The following NCAM1 variants were observed in gnomAD, a reference collection of about 807,000 sequenced individuals.
The protein encoded by NCAM1 is neural cell adhesion molecule 1.
In NCAM1, 14 loss-of-function variants were observed where a neutral mutation model predicts 109.8. The observed-to-expected ratio is 0.13, with a 90% CI of 0.08 to 0.20. NCAM1 has a LOEUF of 0.20. Ranked by LOEUF, NCAM1 falls within the 10% of genes least tolerant of loss-of-function variation. NCAM1 has a pLI of 1.00. For synonymous variants in NCAM1, 418 were observed against 442.9 expected (o/e 0.94, Z 0.70); for missense variants, 774 against 1,109.9 (o/e 0.70, Z 4.30).
chr11:113,244,654 CGTGTGTGT>C (rs55798470), intron 14 of NCAM1, among the ~76,000 whole-genome samples: 10,965 of 149,758 alleles, frequency 0.073, 514 homozygotes, highest in African/African-American at 0.14. Context: ...TGTGTGTGTG[CGTGTGTGT>C]GTGTGTGTGT....
chr11:113,186,396 A>G (rs1183523667), intron 1 of NCAM1, among the ~76,000 whole-genome samples: 1 of 152,254 alleles, frequency 6.6e-6, no homozygotes, highest in Non-Finnish European at 1.5e-5. Flanking sequence ...CTGCCGGTCC[A>G]TGGAAAAATT....
At chr11:113,050,850 TTAAA>T (rs1555081704) in intron 1 of NCAM1, among the ~76,000 whole-genome samples, 1 of 152,226 alleles carries the variant, frequency 6.6e-6, no homozygotes, top group African/African-American at 2.4e-5. Context: ...AATCATACAG[TTAAA>T]TATTCTTGTG....
At chr11:113,239,740 G>A (rs1228492505) in intron 14 of NCAM1, among the ~76,000 whole-genome samples, 3 of 152,128 alleles carry the variant, frequency 2.0e-5, no homozygotes, top group African/African-American at 7.2e-5. Context: ...GAGAGGGAAG[G>A]AGACCTGAAT....
At chr11:113,263,121 C>G (rs1555123721) in intron 17 of NCAM1, 1 of 1,273,114 alleles carries the variant, frequency 7.9e-7, no homozygotes, top group African/African-American at 1.5e-5. Context: ...TTTTGTGCCA[C>G]TTCATAAGGA....
At chr11:113,257,387 C>T (rs1370456498) in intron 16 of NCAM1, among the ~76,000 whole-genome samples, 1 of 152,238 alleles carries the variant, frequency 6.6e-6, no homozygotes, top group Non-Finnish European at 1.5e-5. Context: ...TTCAATTTCT[C>T]CATCTGTAAA....
At chr11:113,225,226 A>T (rs946718764) in intron 9 of NCAM1, among the ~76,000 whole-genome samples, 13 of 152,226 alleles carry the variant, frequency 8.5e-5, no homozygotes, top group African/African-American at 2.9e-4. Flanking sequence ...ACTAATACAC[A>T]GAAGTCCTTA....
chr11:112,982,718 C>T (rs1254029331), intron 1 of NCAM1, among the ~76,000 whole-genome samples: 2 of 151,620 alleles, frequency 1.3e-5, no homozygotes, highest in Non-Finnish European at 2.9e-5. Context: ...TCAGGTGAGG[C>T]GCATGGTAAG....
intron 1 of NCAM1, among the ~76,000 whole-genome samples, chr11:113,142,192 A>C (rs1941854649): frequency 6.6e-6 from 1 of 152,146 alleles, no homozygotes; most frequent in African/African-American, 2.4e-5. Context: ...GGAGCCTATG[A>C]GATGGGAATT....
chr11:113,026,737 G>A (rs940597332), intron 1 of NCAM1, among the ~76,000 whole-genome samples: 1 of 152,170 alleles, frequency 6.6e-6, no homozygotes, highest in African/African-American at 2.4e-5. Flanking sequence ...CTTTAAGATC[G>A]TAGTAGTAAC....
intron 1 of NCAM1, among the ~76,000 whole-genome samples, chr11:113,145,525 T>C (rs1285998034): frequency 4.6e-5 from 7 of 152,208 alleles, no homozygotes; most frequent in Non-Finnish European, 1.0e-4. Flanking sequence ...AACTCCAACA[T>C]TGTGAATAGT....
Position 113,104,204 on chromosome 11 carries a change from GGGT to G in NCAM1, c.53-98172_53-98170del, listed in dbSNP as rs1194388649. Reference sequence around the variant, plus strand: ...TTGGAGAACAGGTGAAGAGGAGGTGGGGTGGGGGGGGGGGCGGGGTGGTGGTGG... The same window carrying G: ...TTGGAGAACAGGTGAAGAGGAGGTGGGGGGGGGGGGGCGGGGTGGTGGTGG... On this transcript the variant is annotated intron_variant, in intron 1 of 19. Transcript: ENST00000316851. 8.6e-3 allele frequency among the ~76,000 whole-genome samples: 998 copies of G among 115,524 alleles called. 25 individuals carry two copies. The highest frequency in any genetic ancestry group is 0.05 in the East Asian group (142 of 2,824). 75.8% of individuals were successfully genotyped at this position (115,524 alleles called of 152,430 possible).
At chr11:113,079,291 G>A (rs1938678536) in intron 1 of NCAM1, among the ~76,000 whole-genome samples, 1 of 152,232 alleles carries the variant, frequency 6.6e-6, no homozygotes, top group Admixed American at 6.5e-5. Context: ...GGAGGCAACA[G>A]AGAGTAAGGG....
chr11:113,185,079 T>TAGAGAGAG (rs782462491), intron 1 of NCAM1, among the ~76,000 whole-genome samples: 4 of 125,738 alleles, frequency 3.2e-5, no homozygotes, highest in African/African-American at 3.2e-5. Context: ...TATATATATA[T>TAGAGAGAG]AGAGAGAGAG....
chr11:113,211,184 C>T (rs782587078), intron 7 of NCAM1, among the ~76,000 whole-genome samples: 3 of 152,190 alleles, frequency 2.0e-5, no homozygotes, highest in African/African-American at 4.8e-5. Context: ...CTTTTATTTC[C>T]TTTCCAGCCC....
chr11:113,136,053 T>A (rs1327106876), intron 1 of NCAM1, among the ~76,000 whole-genome samples: 2 of 152,096 alleles, frequency 1.3e-5, no homozygotes, highest in East Asian at 1.9e-4. Flanking sequence ...CGTGGTGACA[T>A]GTGCCTGCAG....
At position 113,152,398 on chromosome 11, in the gene NCAM1, C is replaced by A. The variant is rs782577361; in HGVS notation, c.53-49981C>A. Among the ~76,000 whole-genome samples, 162 of 152,358 alleles carry A rather than the reference C, an allele frequency of 1.1e-3. No individual in the cohort carries two copies. The Middle Eastern group carries it at 0.017, about 16-fold the overall frequency. On this transcript the variant is annotated intron_variant, in intron 1 of 19. Transcript: ENST00000316851. The stretch of plus-strand genomic sequence containing the variant: ...ACTACAACTGCCACAATCCCCTTGG[C>A]AACTTCTCTTTTCCAAGCCAATATA...
intron 1 of NCAM1, among the ~76,000 whole-genome samples, chr11:113,118,747 GA>G (rs35407203): frequency 3.3e-5 from 5 of 151,262 alleles, no homozygotes. Flanking sequence ...AATCTATACA[GA>G]AAAAAATTCA....
intron 8 of NCAM1, among the ~76,000 whole-genome samples, chr11:113,215,089 A>C (rs571071734): frequency 5.9e-5 from 9 of 152,178 alleles, no homozygotes; most frequent in Non-Finnish European, 8.8e-5. Context: ...TGGTTTTTCA[A>C]TATATTCATG....
intron 1 of NCAM1, among the ~76,000 whole-genome samples, chr11:113,129,609 T>C (rs1216148485): frequency 6.6e-6 from 1 of 152,200 alleles, no homozygotes; most frequent in Non-Finnish European, 1.5e-5. Context: ...TGATTAAATA[T>C]GGCGTTATTC....
Sources: allele counts gnomAD v4.1 joint callset (sites outside exome capture counted in the v4.1 genomes callset), GRCh38; gene constraint gnomAD v4.1.1; transcripts MANE v1.5; gene names NCBI Gene and HGNC (gene_info 2026-07-23, HGNC 2026-07-21).